Variants in CD99L2 observed in about 807,000 individuals in gnomAD.
The protein encoded by CD99L2 is CD99 molecule like 2, also known as CD99 antigen-like protein 2.
In CD99L2, 24 loss-of-function variants were observed where a neutral mutation model predicts 27.3. The observed-to-expected ratio is 0.88, with a 90% CI of 0.64 to 1.24. The LOEUF (loss-of-function observed/expected upper bound fraction) is 1.24, where lower values mean the gene tolerates loss of function less well. Ranked by LOEUF, CD99L2 falls within the 50% of genes most tolerant of loss-of-function variation. The probability of loss-of-function intolerance (pLI) is 0.00; values close to 1 mark genes in which losing one functional copy is unlikely to be tolerated. For missense variants in CD99L2, 255 were observed against 221.6 expected (o/e 1.15, Z -0.96); for synonymous variants, 97 against 87.9 (o/e 1.10, Z -0.58).
At chrX:150,871,511 G>A (rs1014654238) in intron 1 of CD99L2, among the ~76,000 whole-genome samples, 1 of 111,824 alleles carries the variant, frequency 8.9e-6, no homozygotes, top group Non-Finnish European at 1.9e-5. Flanking sequence ...TGGTGCAGAG[G>A]AACTGGAACT....
At chrX:150,877,103 C>A (rs1393452447) in intron 1 of CD99L2, among the ~76,000 whole-genome samples, 2 of 96,113 alleles carry the variant, frequency 2.1e-5, no homozygotes, top group Non-Finnish European at 4.1e-5. Flanking sequence ...GACAACATAG[C>A]GAGACCCTGT....
At chrX:150,807,107 T>C (rs1557420263) in intron 4 of CD99L2, among the ~76,000 whole-genome samples, 2 of 110,979 alleles carry the variant, frequency 1.8e-5, no homozygotes. Flanking sequence ...AATACCACCT[T>C]TCTTGGGGCC....
intron 1 of CD99L2, among the ~76,000 whole-genome samples, chrX:150,861,375 T>C (rs1283192978): frequency 1.8e-5 from 2 of 111,125 alleles, no homozygotes; most frequent in East Asian, 5.7e-4. Flanking sequence ...TACAAGGCTA[T>C]GGTAACCAAA....
At position 150,767,285 on chromosome X, in the gene CD99L2, C is replaced by A. The variant is rs1185600232; in HGVS notation, c.*1749G>T. 8.9e-6 allele frequency: 1 copy of A among 112,087 alleles called. No individual in the cohort carries two copies. Among genetic ancestry groups the A allele is most frequent in the Non-Finnish European group, 1.9e-5 (1 of 53,189 alleles). 9.2% of individuals were successfully genotyped at this position (112,087 alleles called of 1,213,427 possible). A position where few individuals can be genotyped will look rare whatever the true frequency, so the allele number is the denominator to read the frequency against. ...AACAGGCCAATCCTGCAAGCCACCC[C>A]ACCCTTACTAACTTCCTGAAGCATG... On this transcript the variant is annotated 3_prime_UTR_variant, in exon 11 of 11. Transcript: ENST00000370377.
intron 1 of CD99L2, among the ~76,000 whole-genome samples, chrX:150,856,994 T>C (rs1274455409): frequency 3.6e-5 from 4 of 109,997 alleles, no homozygotes; most frequent in Non-Finnish European, 5.7e-5. Flanking sequence ...GCTTCAACAA[T>C]AGACTAGCTC....
intron 1 of CD99L2, among the ~76,000 whole-genome samples, chrX:150,866,172 A>T (rs1353108543): frequency 9.0e-6 from 1 of 111,528 alleles, no homozygotes; most frequent in Admixed American, 9.6e-5. Context: ...TTCAACTATC[A>T]GCCTGCAGAG....
At chrX:150,844,818 C>T (rs1334039530) in intron 1 of CD99L2, among the ~76,000 whole-genome samples, 2 of 111,227 alleles carry the variant, frequency 1.8e-5, no homozygotes, top group Non-Finnish European at 3.8e-5. Context: ...CTGCAGTGGC[C>T]ATAAGAGGTC....
chrX:150,831,733 A>T (rs1417254908), intron 1 of CD99L2, among the ~76,000 whole-genome samples: 1 of 111,507 alleles, frequency 9.0e-6, no homozygotes, highest in African/African-American at 3.3e-5. Context: ...CTGCACATGT[A>T]TCCCTGAACT....
At chrX:150,777,199 A>G in intron 8 of CD99L2, 1 of 415,875 alleles carries the variant, frequency 2.4e-6, no homozygotes, top group Non-Finnish European at 4.1e-6. Flanking sequence ...GCCAGGGTGA[A>G]ATTCACAGAA....
intron 2 of CD99L2, among the ~76,000 whole-genome samples, chrX:150,818,051 C>CATAATAATTTTAAATAAAAAAAAAA (rs1557420581): frequency 4.1e-4 from 38 of 93,332 alleles, no homozygotes; most frequent in South Asian, 2.7e-3. Context: ...AAGAGGAAGA[C>CATAATAATTTTAAATAAAAAAAAAA]ATAATAATTT....
intron 2 of CD99L2, among the ~76,000 whole-genome samples, chrX:150,827,016 G>C (rs1015351587): frequency 1.8e-5 from 2 of 111,284 alleles, no homozygotes; most frequent in African/African-American, 6.5e-5. Flanking sequence ...AAATATTTTA[G>C]GTACTGTATG....
At chrX:150,854,882 C>T (rs2046847067) in intron 1 of CD99L2, among the ~76,000 whole-genome samples, 1 of 110,930 alleles carries the variant, frequency 9.0e-6, no homozygotes, top group South Asian at 3.9e-4. Flanking sequence ...GCCTTCATGG[C>T]TCCCTGTGGC....
intron 1 of CD99L2, among the ~76,000 whole-genome samples, chrX:150,852,968 A>G (rs1569566081): frequency 1.8e-5 from 2 of 111,906 alleles, no homozygotes; most frequent in East Asian, 2.8e-4. Flanking sequence ...TAGGAGTGGA[A>G]TGACTACTTT....
chrX:150,797,024 A>G (rs1182890534), intron 4 of CD99L2, among the ~76,000 whole-genome samples: 1 of 111,599 alleles, frequency 9.0e-6, no homozygotes, highest in Admixed American at 9.6e-5. Context: ...ATAGCACTCA[A>G]TGCATAAGTT....
At chrX:150,812,361 G>C (rs2046084982) in intron 4 of CD99L2, among the ~76,000 whole-genome samples, 1 of 111,494 alleles carries the variant, frequency 9.0e-6, no homozygotes, top group African/African-American at 3.3e-5. Context: ...TCAATAGTAA[G>C]AAAAACAAAA....
chrX:150,882,651 G>A (rs2047348927), intron 1 of CD99L2, among the ~76,000 whole-genome samples: 1 of 110,357 alleles, frequency 9.1e-6, no homozygotes, highest in Non-Finnish European at 1.9e-5. Context: ...CTCCAGACTG[G>A]GCAACAAGAG....
chrX:150,790,677 T>C (rs73609526), intron 7 of CD99L2, among the ~76,000 whole-genome samples: 26,196 of 110,480 alleles, frequency 0.24, 2,444 homozygotes, highest in African/African-American at 0.33. Flanking sequence ...TGACGGGTAG[T>C]AGGAGCTAGG....
At chrX:150,866,472 C>T (rs782704840) in intron 1 of CD99L2, among the ~76,000 whole-genome samples, 1 of 111,175 alleles carries the variant, frequency 9.0e-6, no homozygotes. Flanking sequence ...GTGGCTCATG[C>T]CTGTAATCTC....
chrX:150,769,763 TGCCTCGA>T (rs1557418946), intron 10 of CD99L2, among the ~76,000 whole-genome samples: 1 of 108,012 alleles, frequency 9.3e-6, no homozygotes, highest in Non-Finnish European at 1.9e-5. Context: ...AGGTCATATC[TGCCTCGA>T]GCAGTTGGGC....
Sources: gnomAD v4.1 joint callset for allele counts (sites outside exome capture counted in the v4.1 genomes callset) on GRCh38, gnomAD v4.1.1 for gene constraint, MANE v1.5 for transcripts, NCBI Gene and HGNC (gene_info 2026-07-23, HGNC 2026-07-21) for gene names.